The following L3MBTL4 variants were observed in gnomAD, a reference collection of about 807,000 sequenced individuals.
The protein encoded by L3MBTL4 is lethal(3)malignant brain tumor-like protein 4.
L3MBTL4 carries 70 observed loss-of-function variants against 84.5 expected under a neutral mutation model. The observed-to-expected ratio is 0.83, with a 90% CI of 0.68 to 1.01. L3MBTL4 has a LOEUF of 1.01. Ranked by LOEUF, L3MBTL4 falls within the 50% of genes least tolerant of loss-of-function variation. The pLI is 0.00. For missense variants in L3MBTL4, 715 were observed against 754.8 expected (o/e 0.95, Z 0.62); for synonymous variants, 274 against 259.8 (o/e 1.05, Z -0.52).
intron 12 of L3MBTL4, among the ~76,000 whole-genome samples, chr18:6,183,417 G>T (rs2044572311): frequency 1.3e-5 from 2 of 152,224 alleles, no homozygotes; most frequent in African/African-American, 4.8e-5. Flanking sequence ...CTTCACTGCT[G>T]ATGTAAAGGT....
chr18:6,309,868 A>C lies in L3MBTL4; in HGVS notation c.72+1686T>G, dbSNP rs549140722. 2.1e-4 allele frequency among the ~76,000 whole-genome samples: 32 copies of C among 152,354 alleles called. No individual in the cohort carries two copies. In the South Asian group the frequency reaches 6.2e-3, roughly 30 times the overall value. ...GGGAAGGTGGTCTCAAATGTTAAAC[A>C]AAAAAATTTAAGAAAAATATTGATT... On this transcript the variant is annotated intron_variant, in intron 3 of 18. Transcript: ENST00000317931.
chr18:6,077,644 T>C (rs112102076), intron 16 of L3MBTL4, among the ~76,000 whole-genome samples: 49 of 151,662 alleles, frequency 3.2e-4, no homozygotes, highest in African/African-American at 1.1e-3. Flanking sequence ...CATGTGTGTA[T>C]ACAATTTCCA....
In L3MBTL4 at chr18:6,128,548, C is replaced by T. The variant is rs566103876; in HGVS notation, c.1199+9646G>A. On this transcript the variant is annotated intron_variant, in intron 14 of 18. Transcript: ENST00000317931. Reference sequence around the variant, plus strand: ...TCCCATGGGTGGATTTAAATTTGAACGAAAGCAGACTCCTCAACAACAAAA... The same window carrying T: ...TCCCATGGGTGGATTTAAATTTGAATGAAAGCAGACTCCTCAACAACAAAA... Among the ~76,000 whole-genome samples the T allele has an allele frequency of 3.9e-5, 6 of 152,060 alleles. No homozygotes were observed. In the South Asian group the frequency reaches 6.2e-4, roughly 16 times the overall value.
chr18:6,401,261 G>A (rs964842905), intron 1 of L3MBTL4, among the ~76,000 whole-genome samples: 3 of 152,260 alleles, frequency 2.0e-5, no homozygotes, highest in East Asian at 1.9e-4. Flanking sequence ...ATAACAGCAC[G>A]TGGCACATAC....
chr18:6,085,969 G>A (rs2058246003), intron 15 of L3MBTL4, among the ~76,000 whole-genome samples: 1 of 152,082 alleles, frequency 6.6e-6, no homozygotes, highest in Admixed American at 6.6e-5. Context: ...TATTAAGGTG[G>A]ACATTTTCTT....
At chr18:6,039,534 C>T (rs9953935) in intron 16 of L3MBTL4, among the ~76,000 whole-genome samples, 2,297 of 151,472 alleles carry the variant, frequency 0.015, 61 homozygotes, top group African/African-American at 0.053. Flanking sequence ...TAGATCCTTT[C>T]TTTTGGATAT....
At chr18:6,086,865 C>T (rs1216902030) in intron 15 of L3MBTL4, among the ~76,000 whole-genome samples, 1 of 152,188 alleles carries the variant, frequency 6.6e-6, no homozygotes, top group Non-Finnish European at 1.5e-5. Flanking sequence ...CTCACCTCCA[C>T]ATCCCTAGCA....
chr18:6,024,382 C>T lies in L3MBTL4; in HGVS notation c.1445-54820G>A, dbSNP rs192664026. 1.9e-3 allele frequency among the ~76,000 whole-genome samples: 296 copies of T among 152,254 alleles called. 3 individuals are homozygous for T. Among genetic ancestry groups the T allele is most frequent in the Middle Eastern group, 0.01 (3 of 294 alleles). On this transcript the variant is annotated intron_variant, in intron 16 of 18. Coordinates refer to ENST00000317931, the MANE Select transcript of L3MBTL4 (RefSeq NM_001330559.2). ...CATCTCAAAAACAGTGACTAAGGAG[C>T]CCATCTTTTGCAGCTATCTTTGTAC...
intron 14 of L3MBTL4, among the ~76,000 whole-genome samples, chr18:6,108,652 C>T (rs142944125): frequency 1.3e-5 from 2 of 152,184 alleles, no homozygotes; most frequent in Non-Finnish European, 2.9e-5. Flanking sequence ...TTCTAGAGCT[C>T]AGAAGCACTA....
At chr18:5,978,413 A>T (rs142438435) in intron 16 of L3MBTL4, among the ~76,000 whole-genome samples, 1 of 152,154 alleles carries the variant, frequency 6.6e-6, no homozygotes, top group Non-Finnish European at 1.5e-5. Context: ...ACAGCTTGAG[A>T]CATCATTAAT....
intron 16 of L3MBTL4, among the ~76,000 whole-genome samples, chr18:6,041,910 T>C (rs910233709): frequency 6.6e-6 from 1 of 151,736 alleles, no homozygotes; most frequent in Admixed American, 6.6e-5. Flanking sequence ...TTGGTATGGA[T>C]GGGGGTCTCA....
At chr18:6,318,330 T>C (rs1230302984) in intron 1 of L3MBTL4, among the ~76,000 whole-genome samples, 2 of 150,888 alleles carry the variant, frequency 1.3e-5, no homozygotes, top group Non-Finnish European at 3.0e-5. Context: ...GATAGAAAAA[T>C]CATAAACCAA....
intron 4 of L3MBTL4, among the ~76,000 whole-genome samples, chr18:6,282,943 T>C (rs138490419): frequency 1.2e-4 from 19 of 152,270 alleles, no homozygotes; most frequent in African/African-American, 4.1e-4. Flanking sequence ...AAAAGGTCCC[T>C]TGAACCTCCA....
Position 6,030,857 on chromosome 18 carries a change from A to G in L3MBTL4, c.1444+50024T>C, listed in dbSNP as rs2055762431. ...AGGCACACTAACATGAAACATACTG[A>G]AACTGCACTGTAGGATATAAACAAC... is the stretch of plus-strand genomic sequence containing the variant. On this transcript the variant is annotated intron_variant, in intron 16 of 18. Coordinates refer to ENST00000317931, the MANE Select transcript of L3MBTL4 (RefSeq NM_001330559.2). 4.1e-6 allele frequency: 4 copies of G among 985,220 alleles called. 1 individual carries two copies. The African/African-American group carries it at 5.2e-5, about 13-fold the overall frequency. The allele number at this position is 985,220 out of a possible 1,614,324, so 61.0% of individuals were successfully genotyped here.
At chr18:6,230,792 G>A (rs1315265667) in intron 10 of L3MBTL4, among the ~76,000 whole-genome samples, 1 of 152,110 alleles carries the variant, frequency 6.6e-6, no homozygotes, top group South Asian at 2.1e-4. Flanking sequence ...ATTCTGACTG[G>A]TGTGAGATAG....
At chr18:6,103,041 C>T (rs866971929) in intron 14 of L3MBTL4, among the ~76,000 whole-genome samples, 2 of 152,134 alleles carry the variant, frequency 1.3e-5, no homozygotes, top group Non-Finnish European at 2.9e-5. Context: ...AATGTAATAG[C>T]GTGCTATGTA....
chr18:6,250,116 T>C (rs530020203), intron 5 of L3MBTL4, among the ~76,000 whole-genome samples: 1 of 152,268 alleles, frequency 6.6e-6, no homozygotes, highest in Non-Finnish European at 1.5e-5. Flanking sequence ...TTTGTCATTT[T>C]CTTTTCCCAA....
intron 16 of L3MBTL4, among the ~76,000 whole-genome samples, chr18:6,075,758 T>C (rs2143053748): frequency 1.3e-5 from 2 of 152,092 alleles, no homozygotes; most frequent in South Asian, 4.1e-4. Context: ...TGTAATACAA[T>C]TATAAAACAA....
intron 1 of L3MBTL4, among the ~76,000 whole-genome samples, chr18:6,363,799 C>T (rs1400439883): frequency 6.6e-6 from 1 of 152,120 alleles, no homozygotes; most frequent in Non-Finnish European, 1.5e-5. Flanking sequence ...TATGCTGCTC[C>T]GAATCACACT....
Sources: allele counts gnomAD v4.1 joint callset (sites outside exome capture counted in the v4.1 genomes callset), GRCh38; gene constraint gnomAD v4.1.1; transcripts MANE v1.5; gene names NCBI Gene and HGNC (gene_info 2026-07-23, HGNC 2026-07-21).